CCNO: variants seen among roughly 807,000 people sequenced by gnomAD.
CCNO encodes cyclin O.
In CCNO, 24 loss-of-function variants were observed where a neutral mutation model predicts 23.9. The observed-to-expected ratio is 1.00, with a 90% CI of 0.73 to 1.41. The LOEUF is 1.41. Among genes scored for constraint, CCNO ranks in the 40% most tolerant of loss-of-function variants. The pLI is 0.00. For synonymous variants in CCNO, 241 were observed against 225.7 expected, an observed-to-expected ratio of 1.07 and a Z score of -0.61; for missense variants, 542 against 476.2, an observed-to-expected ratio of 1.14 and a Z score of -1.29.
chr5:55,231,638 C>A lies in CCNO; in HGVS notation c.790G>T (p.Gly264Trp), dbSNP rs138440180. ...TCGGCCAGACTCAGCTCTGCCACCC[C>A]CCGCGCCAGGGCTTGCGCTTCCAGA... The part of the protein sequence containing the change: ...EALEAQALAR[G>W]VAELSLADYA... Residue 264 changes from glycine to tryptophan, a missense_variant, in exon 3 of 3, where the codon GGG becomes TGG. By Grantham distance (184) the Gly-to-Trp change is radical. Coordinates refer to ENST00000282572, the MANE Select transcript of CCNO (RefSeq NM_021147.5). 2 of 1,599,094 alleles carry A rather than the reference C, an allele frequency of 1.3e-6. No homozygotes were observed. The highest frequency in any genetic ancestry group is 1.7e-6 in the Non-Finnish European group (2 of 1,173,362).
At chr5:55,232,258 A>G in intron 2 of CCNO, 103 bp downstream of exon 2, 4 of 1,050,446 alleles carry the variant, frequency 3.8e-6, no homozygotes, top group Middle Eastern at 2.2e-4. Flanking sequence ...CTGGGAACCC[A>G]GCACTGAATC....
chr5:55,233,125 G>T lies in CCNO; in HGVS notation c.381+18C>A. 6.5e-7 allele frequency: 1 copy of T among 1,537,392 alleles called. No individual in the cohort carries two copies. On this transcript the variant is annotated intron_variant, in intron 1 of 2. Coordinates refer to ENST00000282572, the MANE Select transcript of CCNO (RefSeq NM_021147.5). ...GAGGAAGAGCGGCGGCGTGGAGCTG[G>T]CTCTACCAGCACCTCACTTGTGGCT...
rs748840207 is a variant in CCNO, at chr5:55,231,520, A to T, written c.908T>A (p.Leu303Ter). The T allele has an allele frequency of 6.2e-7, 1 of 1,613,670 alleles. No homozygotes were observed. The highest frequency in any genetic ancestry group is 1.1e-5 in the South Asian group (1 of 91,080). The stretch of plus-strand genomic sequence containing the variant: ...CGCCTCCGGGTGGTCTCCCAGTCGC[A>T]AGTCCACGGGCCGCGAGACCCGCAG... ...RMLRVSRPVD[L>*]RLGDHPEAAL... is the part of the protein sequence containing the mutation. The change falls in exon 3 of 3, where the codon TTG becomes TAG. Residue 303 changes from leucine (L) to a stop codon, truncating the protein, a stop_gained. Coordinates refer to ENST00000282572, the MANE Select transcript of CCNO (RefSeq NM_021147.5). LOFTEE classifies it high-confidence loss of function.
Position 55,231,638 on chromosome 5 carries a change from C to G in CCNO, c.790G>C (p.Gly264Arg), listed in dbSNP as rs138440180. Residue 264 changes from glycine to arginine, a missense_variant, in exon 3 of 3, where the codon GGG becomes CGG. Physicochemically the swap from Gly to Arg is moderately radical, Grantham distance 125. Coordinates refer to ENST00000282572, the MANE Select transcript of CCNO (RefSeq NM_021147.5). ...TCGGCCAGACTCAGCTCTGCCACCC[C>G]CCGCGCCAGGGCTTGCGCTTCCAGA... Reference protein sequence around the residue: ...EALEAQALARGVAELSLADYA... With the variant: ...EALEAQALARRVAELSLADYA... 1.2e-3 allele frequency: 1,977 copies of G among 1,599,092 alleles called. 21 individuals carry two copies. In the African/African-American group the frequency reaches 0.023, roughly 19 times the overall value.
In CCNO at chr5:55,231,799, C is replaced by A; in HGVS notation, c.629G>T (p.Arg210Leu). 1 of 1,556,972 alleles carries A rather than the reference C, an allele frequency of 6.4e-7. No individual in the cohort carries two copies. The highest frequency in any genetic ancestry group is 8.7e-7 in the Non-Finnish European group (1 of 1,151,140). Reference sequence around the variant, plus strand: ...GCACTCGAGGTTGCAGAGCTGCTGCCGGGAGAAGGCGCCGCAGCAGAGGGC... The same window carrying A: ...GCACTCGAGGTTGCAGAGCTGCTGCAGGGAGAAGGCGCCGCAGCAGAGGGC... ...LLALCCGAFS[R>L]QQLCNLECIV... Residue 210 changes from arginine to leucine, a missense_variant, in exon 3 of 3, where the codon CGG (arginine) becomes CTG (leucine). Coordinates refer to ENST00000282572, the MANE Select transcript of CCNO (RefSeq NM_021147.5).
At chr5:55,232,780 C>T (rs976838057) in intron 1 of CCNO, 11 of 595,020 alleles carry the variant, frequency 1.8e-5, no homozygotes, top group South Asian at 1.5e-4. Context: ...GCGTAATGGG[C>T]TCAGCAATTC....
At position 55,233,389 on chromosome 5, in the gene CCNO, G is replaced by A; in HGVS notation, c.135C>T (p.Pro45=). ...CTCCCGGGAGCGGGCACGGGTTCAG[G>A]GGATGCAGCGGCTGCTTCCTCCGGA... ...PRLRRKQPLH[P]LNPCPLPGDS... The change falls in exon 1 of 3, where the codon CCC becomes CCT. Residue 45 remains proline, a synonymous_variant. Transcript: ENST00000282572. The A allele has an allele frequency of 6.2e-7, 1 of 1,610,632 alleles. No homozygotes were observed. The highest frequency in any genetic ancestry group is 8.5e-7 in the Non-Finnish European group (1 of 1,179,182).
Position 55,231,180 on chromosome 5 carries a change from G to T in CCNO, c.*195C>A. 1.6e-6 allele frequency: 1 copy of T among 625,310 alleles called. No homozygotes were observed. The highest frequency in any genetic ancestry group is 2.1e-5 in the South Asian group (1 of 47,228). 38.7% of individuals were successfully genotyped at this position (625,310 alleles called of 1,614,324 possible). On this transcript the variant is annotated 3_prime_UTR_variant, in exon 3 of 3. Coordinates refer to ENST00000282572, the MANE Select transcript of CCNO (RefSeq NM_021147.5). Reference sequence around the variant, plus strand: ...AGACAAACCACAACTGTTTATTGGTGAAAGACTCAGCTTCCTCATGTGCTC... The same window carrying T: ...AGACAAACCACAACTGTTTATTGGTTAAAGACTCAGCTTCCTCATGTGCTC...
At chr5:55,232,308 G>A in intron 2 of CCNO, 53 bp downstream of exon 2, 2 of 1,466,142 alleles carry the variant, frequency 1.4e-6, no homozygotes, top group East Asian at 2.4e-5. Context: ...AGTGGCGGGG[G>A]AGTTTGGCTG....
In CCNO at chr5:55,231,313, C is replaced by T. The variant is rs1745562930; in HGVS notation, c.*62G>A. The T allele has an allele frequency of 6.3e-7, 1 of 1,589,388 alleles. No homozygotes were observed. The highest frequency in any genetic ancestry group is 8.6e-7 in the Non-Finnish European group (1 of 1,166,476). ...CTCTGTGGACCAGTACTGCACTCTT[C>T]TGAGGCTACGGGAGAGGTCCAGCAG... On this transcript the variant is annotated 3_prime_UTR_variant, in exon 3 of 3. Transcript: ENST00000282572.
At chr5:55,232,569 C>A in intron 1 of CCNO, 23 bp from the exon 2 acceptor site, 1 of 1,612,006 alleles carries the variant, frequency 6.2e-7, no homozygotes, top group Non-Finnish European at 8.5e-7. Context: ...AGGGGGGAGG[C>A]GGGCCCGCTG....
Position 55,231,598 on chromosome 5 carries a change from C to G in CCNO, c.830G>C (p.Ser277Thr). ...GATCGCCAGGAGGGAAGGGGAGTAG[C>G]TGGTGAAGGCATAGTCGGCCAGACT... ...ELSLADYAFT[S>T]YSPSLLAICC... The change falls in exon 3 of 3, where the codon AGC becomes ACC. Residue 277 changes from serine to threonine, a missense_variant. Coordinates refer to ENST00000282572, the MANE Select transcript of CCNO (RefSeq NM_021147.5). 3 of 1,613,034 alleles carry G rather than the reference C, an allele frequency of 1.9e-6. No homozygotes were observed. The highest frequency in any genetic ancestry group is 2.5e-6 in the Non-Finnish European group (3 of 1,179,806).
In CCNO at chr5:55,231,152, T is replaced by C. The variant is rs76296175; in HGVS notation, c.*223A>G. 11,149 of 565,658 alleles carry C rather than the reference T, an allele frequency of 0.02. 373 individuals are homozygous for C. Among genetic ancestry groups the C allele is most frequent in the Admixed American group, 0.12 (3,828 of 32,298 alleles). The allele number at this position is 565,658 out of a possible 1,614,324, so 35.0% of individuals were successfully genotyped here. A position where few individuals can be genotyped will look rare whatever the true frequency, so the allele number is the denominator to read the frequency against. ...TCCCCGCAGACAGACACTTGCAGGATTTAGACAAACCACAACTGTTTATTG... is the reference window on the plus strand; with the variant it reads ...TCCCCGCAGACAGACACTTGCAGGACTTAGACAAACCACAACTGTTTATTG... On this transcript the variant is annotated 3_prime_UTR_variant, in exon 3 of 3. Transcript: ENST00000282572.
In CCNO at chr5:55,232,392, C is replaced by G; in HGVS notation, c.536G>C (p.Gly179Ala). ...PVAADCFQLL[G>A]VTSLLIACKQ... ...GCAAGCGATGAGCAAGGAGGTGACC[C>G]CAAGCAGCTGGAAGCAGTCTGCAGC... Residue 179 changes from glycine (G) to alanine (A), a missense_variant, in exon 2 of 3, where the codon GGG (glycine) becomes GCG (alanine). By Grantham distance (60) the Gly-to-Ala change is moderately conservative (BLOSUM62 0). Transcript: ENST00000282572. The G allele has an allele frequency of 6.2e-7, 1 of 1,613,926 alleles. No individual in the cohort carries two copies. Among genetic ancestry groups the G allele is most frequent in the Non-Finnish European group, 8.5e-7 (1 of 1,180,018 alleles).
In CCNO at chr5:55,232,530, C is replaced by A. The variant is rs1554020012; in HGVS notation, c.398G>T (p.Arg133Leu). 6.2e-7 allele frequency: 1 copy of A among 1,613,420 alleles called. No individual in the cohort carries two copies. Among genetic ancestry groups the A allele is most frequent in the South Asian group, 1.1e-5 (1 of 91,082 alleles). Residue 133 changes from arginine (R) to leucine (L), a missense_variant, in exon 2 of 3, where the codon CGC becomes CTC. Coordinates refer to ENST00000282572, the MANE Select transcript of CCNO (RefSeq NM_021147.5). The stretch of plus-strand genomic sequence containing the variant: ...GATCAGCCAGCTGAGCAGCTTACAG[C>A]GGGATTCCGCCGTCACCTGCCGGGA... ...ARQPQVTAESRCKLLSWLIPV... is the reference protein window; with the variant it reads ...ARQPQVTAESLCKLLSWLIPV...
chr5:55,233,201 A>G lies in CCNO; in HGVS notation c.323T>C (p.Phe108Ser), dbSNP rs771586407. The G allele has an allele frequency of 6.4e-7, 1 of 1,559,498 alleles. No individual in the cohort carries two copies. The highest frequency in any genetic ancestry group is 8.7e-7 in the Non-Finnish European group (1 of 1,153,444). Residue 108 changes from phenylalanine to serine, a missense_variant, in exon 1 of 3, where the codon TTC (phenylalanine) becomes TCC (serine). Phe to Ser is a radical substitution (Grantham distance 155, BLOSUM62 -2). Transcript: ENST00000282572. ...GAAGTGGCTCTCCTGCGCCTTGCGG[A>G]AGGCGTAGCAGCTCTGGCCGTAGTC... ...FRDYGQSCYA[F>S]RKAQESHFHP...
Position 55,231,357 on chromosome 5 carries a change from G to C in CCNO, c.*18C>G, listed in dbSNP as rs1745564529. On this transcript the variant is annotated 3_prime_UTR_variant, in exon 3 of 3. Transcript: ENST00000282572. ...CCAGCAGCCGGGCCAGGGACTAAAA[G>C]GAAACGAAGGATCTGTTTTATTTCG... 6.2e-7 allele frequency: 1 copy of C among 1,611,588 alleles called. No homozygotes were observed. The highest frequency in any genetic ancestry group is 8.5e-7 in the Non-Finnish European group (1 of 1,178,206).
At position 55,233,517 on chromosome 5, in the gene CCNO, T is replaced by C. The variant is rs1000117529; in HGVS notation, c.7A>G (p.Thr3Ala). 1 of 1,565,622 alleles carries C rather than the reference T, an allele frequency of 6.4e-7. No homozygotes were observed. MVTPCPTSPSSPA... is the reference protein window; with the variant it reads MVAPCPTSPSSPA... The stretch of plus-strand genomic sequence containing the variant: ...CTCGAGGGGCTGGTGGGACAGGGGG[T>C]CACCATGATGCGGCCGGGTGGCCGC... The change falls in exon 1 of 3, where the codon ACC becomes GCC. Residue 3 changes from threonine to alanine, a missense_variant. Physicochemically the swap from Thr to Ala is moderately conservative, Grantham distance 58 (BLOSUM62 0). Coordinates refer to ENST00000282572, the MANE Select transcript of CCNO (RefSeq NM_021147.5).
chr5:55,232,587 G>T (rs772531671), intron 1 of CCNO, 41 bp from the exon 2 acceptor site: 3 of 1,594,004 alleles, frequency 1.9e-6, no homozygotes, highest in Admixed American at 1.7e-5. Flanking sequence ...CTGGGCTTAG[G>T]GTGGAGAGGG....
Sources: gnomAD v4.1 joint callset for allele counts on GRCh38, gnomAD v4.1.1 for gene constraint, MANE v1.5 for transcripts, NCBI Gene and HGNC (gene_info 2026-07-23, HGNC 2026-07-21) for gene names.